ANK3: variants seen among roughly 807,000 people sequenced by gnomAD.
The protein encoded by ANK3 is ankyrin-3.
Under a neutral mutation model 370.9 loss-of-function variants are expected in ANK3, and 57 were observed. The observed-to-expected ratio is 0.15, with a 90% confidence interval of 0.12 to 0.19. ANK3 has a LOEUF of 0.19. Among genes scored for constraint, ANK3 ranks in the 10% least tolerant of loss-of-function variants. The probability of loss-of-function intolerance (pLI) is 1.00; values close to 1 mark genes in which losing one functional copy is unlikely to be tolerated. For missense variants in ANK3, 4,439 were observed against 5,302.1 expected (o/e 0.84, Z 5.06); for synonymous variants, 1,929 against 1,946.3 (o/e 0.99, Z 0.23).
At chr10:60,204,228 G>T (rs1231559207) in intron 11 of ANK3, among the ~76,000 whole-genome samples, 1 of 152,192 alleles carries the variant, frequency 6.6e-6, no homozygotes, top group Non-Finnish European at 1.5e-5. Context: ...TTTTCCATCA[G>T]CAGGGGGAGT....
intron 39 of ANK3, 63 bp downstream of exon 39, chr10:60,064,094 G>C: frequency 1.4e-6 from 2 of 1,419,710 alleles, no homozygotes; most frequent in Admixed American, 2.6e-5. Context: ...CCTAACAGTT[G>C]GCTTATCTAA....
intron 2 of ANK3, among the ~76,000 whole-genome samples, chr10:60,570,119 A>G (rs1567154306): frequency 6.6e-6 from 1 of 152,220 alleles, no homozygotes; most frequent in Non-Finnish European, 1.5e-5. Flanking sequence ...ACTTTTTGAT[A>G]TGTATCTGCT....
chr10:60,288,817 G>A (rs1465880840), intron 1 of ANK3, among the ~76,000 whole-genome samples: 2 of 151,754 alleles, frequency 1.3e-5, no homozygotes, highest in African/African-American at 4.8e-5. Flanking sequence ...GAGTGTGGGA[G>A]AAAATGGAGA....
At chr10:60,405,427 T>C (rs1390550439) in intron 2 of ANK3, among the ~76,000 whole-genome samples, 1 of 152,080 alleles carries the variant, frequency 6.6e-6, no homozygotes, top group Non-Finnish European at 1.5e-5. Flanking sequence ...TACATGAAGA[T>C]CTAAAACAGG....
intron 9 of ANK3, 138 bp from the exon 10 acceptor site, chr10:60,208,371 A>G (rs2096796065): frequency 1.4e-6 from 1 of 714,406 alleles, no homozygotes; most frequent in Non-Finnish European, 2.3e-6. Flanking sequence ...AGCTTTTGAC[A>G]ACTATTTTGA....
At chr10:60,221,029 A>G (rs2132484881) in intron 8 of ANK3, among the ~76,000 whole-genome samples, 1 of 151,592 alleles carries the variant, frequency 6.6e-6, no homozygotes, top group East Asian at 1.9e-4. Flanking sequence ...CAACTCCTTA[A>G]TCCTTTGAGG....
upstream of ANK3, among the ~76,000 whole-genome samples, chr10:60,390,251 T>G (rs1373499857): frequency 6.6e-6 from 1 of 152,144 alleles, no homozygotes; most frequent in East Asian, 1.9e-4. Flanking sequence ...ATGCATTTTG[T>G]GGGGAGGACT....
chr10:60,242,209 T>A (rs975266197), intron 7 of ANK3, among the ~76,000 whole-genome samples: 1 of 152,160 alleles, frequency 6.6e-6, no homozygotes. Flanking sequence ...TTAGAAAAGA[T>A]TTTGCCTTCT....
At chr10:60,349,518 A>G (rs926332480) in intron 1 of ANK3, among the ~76,000 whole-genome samples, 1 of 152,062 alleles carries the variant, frequency 6.6e-6, no homozygotes, top group African/African-American at 2.4e-5. Context: ...TTTTTTTTTA[A>G]ACATGAAAAA....
chr10:60,472,463 A>G (rs1011762806), intron 2 of ANK3, among the ~76,000 whole-genome samples: 6 of 152,212 alleles, frequency 3.9e-5, no homozygotes, highest in Admixed American at 3.9e-4. Context: ...GTGTTCGGAT[A>G]AAGGTTTCTG....
At chr10:60,219,960 T>C (rs889882071) in intron 8 of ANK3, among the ~76,000 whole-genome samples, 2 of 152,234 alleles carry the variant, frequency 1.3e-5, no homozygotes, top group Non-Finnish European at 2.9e-5. Flanking sequence ...TTATATCTTC[T>C]GCCTTTTATG....
rs1250989703 is a variant in ANK3, at chr10:60,250,161, C to A, written c.798+11698G>T. On this transcript the variant is annotated intron_variant, in intron 7 of 43. Transcript: ENST00000280772. ...ACTTTGGGCAATTTATATAGAGAAA[C>A]ATTTTCATAACATAGCATTGGTCAA... Among the ~76,000 whole-genome samples the A allele has an allele frequency of 2.0e-5, 3 of 152,110 alleles. No individual in the cohort carries two copies. In the South Asian group the frequency reaches 6.2e-4, roughly 32 times the overall value.
At chr10:60,146,776 G>A (rs1035492965) in intron 23 of ANK3, among the ~76,000 whole-genome samples, 9 of 152,078 alleles carry the variant, frequency 5.9e-5, no homozygotes, top group Admixed American at 2.6e-4. Flanking sequence ...CACTGCGCCC[G>A]GCAAAGATTT....
intron 43 of ANK3, among the ~76,000 whole-genome samples, chr10:60,038,295 G>T (rs1011608713): frequency 6.6e-6 from 1 of 152,176 alleles, no homozygotes; most frequent in Non-Finnish European, 1.5e-5. Flanking sequence ...TACTCAGAAG[G>T]TTGGGGCATG....
chr10:60,565,619 G>T (rs1474273721), intron 2 of ANK3, among the ~76,000 whole-genome samples: 3 of 152,150 alleles, frequency 2.0e-5, no homozygotes, highest in African/African-American at 7.2e-5. Context: ...GCACTCTATA[G>T]TCCAAATATA....
chr10:60,422,926 T>C (rs551927291), intron 2 of ANK3, among the ~76,000 whole-genome samples: 5 of 152,184 alleles, frequency 3.3e-5, no homozygotes, highest in African/African-American at 9.6e-5. Context: ...TCGGAATACA[T>C]GCTTTCCACG....
At chr10:60,056,354 A>C (rs1216306214) in intron 41 of ANK3, among the ~76,000 whole-genome samples, 2 of 144,068 alleles carry the variant, frequency 1.4e-5, no homozygotes, top group Non-Finnish European at 3.1e-5. Flanking sequence ...CTGTAATCCC[A>C]GCTACTCAGG....
chr10:60,449,769 T>C (rs1264372298), intron 2 of ANK3, among the ~76,000 whole-genome samples: 2 of 152,206 alleles, frequency 1.3e-5, no homozygotes, highest in Admixed American at 1.3e-4. Flanking sequence ...GAGAGCCTTT[T>C]ATGGATTAGG....
At chr10:60,559,675 C>T (rs1471875739) in intron 2 of ANK3, among the ~76,000 whole-genome samples, 8 of 152,170 alleles carry the variant, frequency 5.3e-5, no homozygotes, top group African/African-American at 1.9e-4. Flanking sequence ...TCCAGGTCAC[C>T]GTGCAGAGTA....
Sources: gnomAD v4.1 joint callset for allele counts (sites outside exome capture counted in the v4.1 genomes callset) on GRCh38, gnomAD v4.1.1 for gene constraint, MANE v1.5 for transcripts, NCBI Gene and HGNC (gene_info 2026-07-23, HGNC 2026-07-21) for gene names.